Variants in UBXN2B observed in about 807,000 individuals in gnomAD.
UBXN2B encodes UBX domain protein 2B.
Under a neutral mutation model 37.5 loss-of-function variants are expected in UBXN2B, and 19 were observed. The observed-to-expected ratio is 0.51, with a 90% CI of 0.35 to 0.74. The LOEUF (loss-of-function observed/expected upper bound fraction) is 0.74. Ranked by LOEUF, UBXN2B falls within the 30% of genes least tolerant of loss-of-function variation. The pLI is 0.01. For synonymous variants in UBXN2B, 145 were observed against 143.8 expected (o/e 1.01, Z -0.06); for missense variants, 370 against 393.2 (o/e 0.94, Z 0.50).
intron 2 of UBXN2B, chr8:58,425,829 C>T (rs998912324): frequency 8.5e-6 from 10 of 1,173,776 alleles, no homozygotes; most frequent in African/African-American, 6.0e-5. Context: ...CCACCAACAT[C>T]GTATTTCAGT....
rs1021162585 is a variant in UBXN2B at position 58,424,699 on chromosome 8, C to T, written c.189-5820C>T. Reference sequence around the variant, plus strand: ...TTGGAGTACAAGGCGGGGGGGGGGGCTCTGATCTCCACTCGTCTGGTCCGC... The same window carrying T: ...TTGGAGTACAAGGCGGGGGGGGGGGTTCTGATCTCCACTCGTCTGGTCCGC... On this transcript the variant is annotated intron_variant, in intron 2 of 7. Transcript: ENST00000399598. 7.3e-6 allele frequency: 9 copies of T among 1,236,002 alleles called. 1 individual carries two copies. Among genetic ancestry groups the T allele is most frequent in the South Asian group, 7.2e-5 (6 of 83,666 alleles). The allele number at this position is 1,236,002 out of a possible 1,614,324, so 76.6% of individuals were successfully genotyped here.
At position 58,416,898 on chromosome 8, in the gene UBXN2B, A is replaced by G. The variant is rs199894539; in HGVS notation, c.133A>G (p.Lys45Glu). Residue 45 changes from lysine (K) to glutamate (E), a missense_variant, in exon 2 of 8, where the codon AAG becomes GAG. By Grantham distance (56) the Lys-to-Glu change is moderately conservative. This residue lies in a region of UBXN2B where 197 missense variants were observed against 170.2 expected (regional missense o/e 1.16). Coordinates refer to ENST00000399598, the MANE Select transcript of UBXN2B (RefSeq NM_001077619.2). ...AGATGAAGTGAAGTGCAAATCTTCC[A>G]AGTCTAATAGACCTAAAGCCACAGT... ...YEDEVKCKSSKSNRPKATVFK... is the reference protein window; with the variant it reads ...YEDEVKCKSSESNRPKATVFK... The G allele has an allele frequency of 2.1e-4, 345 of 1,612,868 alleles. 1 individual carries two copies. The highest frequency in any genetic ancestry group is 2.8e-4 in the Non-Finnish European group (332 of 1,179,198).
In UBXN2B at chr8:58,444,233, CT is replaced by C. The variant is rs964093710; in HGVS notation, c.672-1665del. 4.0e-5 allele frequency among the ~76,000 whole-genome samples: 6 copies of C among 151,692 alleles called. No homozygotes were observed. The East Asian group carries it at 5.8e-4, about 15-fold the overall frequency. ...TTACCAATAGGAATATTGGGGGTAA[CT>C]TTTTTTTTCCAGAGTTGTTGTTAGG... On this transcript the variant is annotated intron_variant, in intron 6 of 7. Coordinates refer to ENST00000399598, the MANE Select transcript of UBXN2B (RefSeq NM_001077619.2).
At chr8:58,416,427 A>G (rs1405845664) in intron 1 of UBXN2B, among the ~76,000 whole-genome samples, 3 of 152,094 alleles carry the variant, frequency 2.0e-5, no homozygotes, top group Non-Finnish European at 4.4e-5. Flanking sequence ...AAATTGTTTT[A>G]TATGCTTGGA....
rs938547056 is a variant in UBXN2B at position 58,425,801 on chromosome 8, GA to G, written c.189-4716del. 86 of 1,168,452 alleles carry G rather than the reference GA, an allele frequency of 7.4e-5. 1 individual carries two copies. In the Middle Eastern group the frequency reaches 8.4e-4, roughly 11 times the overall value. The allele number at this position is 1,168,452 out of a possible 1,614,324, so 72.4% of individuals were successfully genotyped here. A position where few individuals can be genotyped will look rare whatever the true frequency, so the allele number is the denominator to read the frequency against. On this transcript the variant is annotated intron_variant, in intron 2 of 7. Coordinates refer to ENST00000399598, the MANE Select transcript of UBXN2B (RefSeq NM_001077619.2). The stretch of plus-strand genomic sequence containing the variant: ...GTAATGTTCCACAAGATCTGTCAAA[GA>G]ATCATACCGTTCTCCTCCACCAACA...
chr8:58,437,330 T>TC (rs1808438734), intron 5 of UBXN2B, among the ~76,000 whole-genome samples: 1 of 64,788 alleles, frequency 1.5e-5, no homozygotes. Context: ...TTTTTTTTTT[T>TC]TTTTTTTTTT....
At chr8:58,434,561 C>A in intron 5 of UBXN2B, 57 bp downstream of exon 5, 1 of 1,240,058 alleles carries the variant, frequency 8.1e-7, no homozygotes, top group Non-Finnish European at 1.1e-6. Flanking sequence ...ATTTTCTTAA[C>A]AGACTACTCA....
chr8:58,427,052 TC>T (rs1808118935), intron 2 of UBXN2B, among the ~76,000 whole-genome samples: 1 of 152,266 alleles, frequency 6.6e-6, no homozygotes, highest in Admixed American at 6.5e-5. Context: ...CTATTACTAT[TC>T]ATTTAGGAAA....
intron 2 of UBXN2B, among the ~76,000 whole-genome samples, chr8:58,424,230 G>GA (rs76910939): frequency 0.011 from 951 of 85,920 alleles, 6 homozygotes; most frequent in Middle Eastern, 0.019. Context: ...GTTATAAAAA[G>GA]AAAAAAAAAA....
At chr8:58,437,318 C>CTTTTTTTTTTTT (rs773987509) in intron 5 of UBXN2B, among the ~76,000 whole-genome samples, 1 of 74,264 alleles carries the variant, frequency 1.3e-5, no homozygotes, top group African/African-American at 5.6e-5. Context: ...GAAGAAATTT[C>CTTTTTTTTTTTT]TTTTTTTTTT....
chr8:58,427,502 A>G (rs1485685512), intron 2 of UBXN2B, among the ~76,000 whole-genome samples: 1 of 152,248 alleles, frequency 6.6e-6, no homozygotes, highest in Non-Finnish European at 1.5e-5. Flanking sequence ...GGTAGTGTCA[A>G]TGGAACGGAG....
chr8:58,443,057 GGACAGCCTCAGCTGTGCT>G (rs1679987917), intron 6 of UBXN2B, among the ~76,000 whole-genome samples: 6 of 152,180 alleles, frequency 3.9e-5, no homozygotes, highest in Non-Finnish European at 8.8e-5. Flanking sequence ...GTACTTCTGG[GGACAGCCTCAGCTGTGCT>G]GAGCAGGCAG....
At chr8:58,418,479 G>T (rs1015629345) in intron 2 of UBXN2B, among the ~76,000 whole-genome samples, 1 of 152,078 alleles carries the variant, frequency 6.6e-6, no homozygotes, top group African/African-American at 2.4e-5. Context: ...GACTTTTTTA[G>T]AGAGTCTAGG....
In UBXN2B at chr8:58,438,537, C is replaced by T. The variant is rs181648115; in HGVS notation, c.534-1096C>T. 7.9e-5 allele frequency among the ~76,000 whole-genome samples: 12 copies of T among 152,324 alleles called. No homozygotes were observed. In the East Asian group the frequency reaches 2.1e-3, roughly 27 times the overall value. ...CTTTAAGATTTAATGTCTGCCCTGC[C>T]GGGTTTCAGACTTCTGTGGGGCCTG... is the stretch of plus-strand genomic sequence containing the variant. On this transcript the variant is annotated intron_variant, in intron 5 of 7. Coordinates refer to ENST00000399598, the MANE Select transcript of UBXN2B (RefSeq NM_001077619.2).
At chr8:58,443,431 T>A (rs1009524384) in intron 6 of UBXN2B, among the ~76,000 whole-genome samples, 2 of 152,136 alleles carry the variant, frequency 1.3e-5, no homozygotes, top group Non-Finnish European at 2.9e-5. Flanking sequence ...TATGGCTTGA[T>A]CAATTGAATG....
At chr8:58,430,040 G>A (rs1808203473) in intron 2 of UBXN2B, among the ~76,000 whole-genome samples, 1 of 152,150 alleles carries the variant, frequency 6.6e-6, no homozygotes, top group Admixed American at 6.5e-5. Context: ...AAAAATCTCT[G>A]AAAGATAAAT....
rs1808793823 is a variant in UBXN2B, at chr8:58,451,231, C to T, written c.*3680C>T. ...AACTGCCATTTTTGTATATAATAGT[C>T]TTCCAAGATAGAGATTTACATTAGG... is the stretch of plus-strand genomic sequence containing the variant. On this transcript the variant is annotated 3_prime_UTR_variant, in exon 8 of 8. Transcript: ENST00000399598. 6.6e-6 allele frequency: 1 copy of T among 152,284 alleles called. No individual in the cohort carries two copies. Among genetic ancestry groups the T allele is most frequent in the Non-Finnish European group, 1.5e-5 (1 of 68,010 alleles). The allele number at this position is 152,284 out of a possible 1,614,324, so 9.4% of individuals were successfully genotyped here.
rs1808037045 is a variant in UBXN2B, at chr8:58,424,844, G to C, written c.189-5675G>C. ...ACCGCCATATAGATAAATCGGTACT[G>C]TGTTTCTGTCTGGACCATCCCTGAC... On this transcript the variant is annotated intron_variant, in intron 2 of 7. Transcript: ENST00000399598. 7 of 1,400,372 alleles carry C rather than the reference G, an allele frequency of 5.0e-6. No individual in the cohort carries two copies. In the South Asian group the frequency reaches 5.8e-5, roughly 12 times the overall value. The allele number at this position is 1,400,372 out of a possible 1,614,324, so 86.7% of individuals were successfully genotyped here.
intron 1 of UBXN2B, among the ~76,000 whole-genome samples, chr8:58,414,743 C>A (rs1195687437): frequency 6.6e-6 from 1 of 151,974 alleles, no homozygotes; most frequent in Non-Finnish European, 1.5e-5. Context: ...TACTCATTTT[C>A]TTCTAAGTTT....
Sources: allele counts gnomAD v4.1 joint callset (sites outside exome capture counted in the v4.1 genomes callset), GRCh38; gene constraint gnomAD v4.1.1; regional missense constraint gnomAD v4.1.1; transcripts MANE v1.5; gene names NCBI Gene and HGNC (gene_info 2026-07-23, HGNC 2026-07-21).